MTTP: variants seen among roughly 807,000 people sequenced by gnomAD.
MTTP encodes the protein microsomal triglyceride transfer protein large subunit.
Under a neutral mutation model 90.6 loss-of-function variants are expected in MTTP, and 49 were observed. That is an observed-to-expected ratio of 0.54 (90% CI 0.43 to 0.69). The LOEUF is 0.69. MTTP is among the 30% of genes least tolerant of loss of function. MTTP has a pLI of 0.00. For missense variants in MTTP, 945 were observed against 1,067.5 expected (o/e 0.89, Z 1.60); for synonymous variants, 347 against 384.2 (o/e 0.90, Z 1.13).
Position 99,582,029 on chromosome 4 carries a change from C to T in MTTP, c.186C>T (p.Asn62=), listed in dbSNP as rs776338005. 3.8e-5 allele frequency: 62 copies of T among 1,614,060 alleles called. No homozygotes were observed. Among genetic ancestry groups the T allele is most frequent in the Admixed American group, 8.3e-5 (5 of 60,002 alleles). Residue 62 remains asparagine (N), a synonymous_variant, in exon 2 of 18, where the codon AAC becomes AAT. Coordinates refer to ENST00000265517, the MANE Select transcript of MTTP (RefSeq NM_001386140.1). ...GCGTGGGCTACCGCATTTCCTCCAA[C>T]GTGGATGTGGCCTTACTATGGAGGA... ...QDSVGYRISS[N]VDVALLWRNP... is the part of the protein sequence containing the mutation.
chr4:99,575,033 T>A, intron 1 of MTTP, 63 bp downstream of exon 1: 1 of 1,532,562 alleles, frequency 6.5e-7, no homozygotes, highest in Non-Finnish European at 9.0e-7. Context: ...GGCAGATACG[T>A]GCGTGTGTGT....
rs5860584 is a variant in MTTP, at chr4:99,600,447, TA to T, written c.1068-108del. ...TAATCATTTTTTCATTTGTTCAAAT[TA>T]AAAAAAAAATCACTTCTTGAGAAAA... On this transcript the variant is annotated intron_variant, in intron 8 of 17. Transcript: ENST00000265517. 110,457 of 968,770 alleles carry T rather than the reference TA, an allele frequency of 0.11. 6,420 individuals are homozygous for T. The highest frequency in any genetic ancestry group is 0.2 in the Middle Eastern group (592 of 2,988). The allele number at this position is 968,770 out of a possible 1,614,324, so 60.0% of individuals were successfully genotyped here.
intron 12 of MTTP, among the ~76,000 whole-genome samples, chr4:99,609,639 A>ACAGTGGTGTGTGGTGTCGTCTGTGAAT: frequency 6.6e-6 from 1 of 152,036 alleles, no homozygotes; most frequent in African/African-American, 2.4e-5. Flanking sequence ...ATCAGATTTA[A>ACAGTGGTGTGTGGTGTCGTCTGTGAAT]GCATTCACCA....
upstream of MTTP, among the ~76,000 whole-genome samples, chr4:99,570,068 T>A (rs1307640686): frequency 6.6e-6 from 1 of 151,924 alleles, no homozygotes; most frequent in Non-Finnish European, 1.5e-5. Flanking sequence ...GACACTGTTA[T>A]TAAGAGCCAG....
chr4:99,587,803 T>C (rs1367603137), intron 3 of MTTP, among the ~76,000 whole-genome samples: 1 of 152,154 alleles, frequency 6.6e-6, no homozygotes, highest in Non-Finnish European at 1.5e-5. Context: ...TACCTGGAGA[T>C]ACACTTCCAA....
rs556705535 is a variant in MTTP at position 99,619,494 on chromosome 4, TAA to T, written c.2342+397_2342+398del. Among the ~76,000 whole-genome samples the T allele has an allele frequency of 1.8e-3, 280 of 152,324 alleles. 1 individual carries two copies. The highest frequency in any genetic ancestry group is 0.01 in the Middle Eastern group (3 of 294). On this transcript the variant is annotated intron_variant, in intron 16 of 17. Coordinates refer to ENST00000265517, the MANE Select transcript of MTTP (RefSeq NM_001386140.1). ...TGTGCAGAAACTAACTATTAAATGT[TAA>T]GAGTCCTTAAGTCTTTTCATCAGCA...
At chr4:99,621,424 A>T (rs1276852460) in intron 17 of MTTP, among the ~76,000 whole-genome samples, 193 bp downstream of exon 17, 1 of 151,834 alleles carries the variant, frequency 6.6e-6, no homozygotes. Flanking sequence ...CCAAAAAAAA[A>T]TCTAATGACT....
intron 3 of MTTP, among the ~76,000 whole-genome samples, chr4:99,587,121 T>C (rs1725276934): frequency 6.6e-6 from 1 of 152,192 alleles, no homozygotes; most frequent in South Asian, 2.1e-4. Context: ...GTGACAGCCA[T>C]GTGGCTTGAA....
At chr4:99,588,801 TCATATATATACACA>T (rs1411437484) in intron 3 of MTTP, among the ~76,000 whole-genome samples, 5 of 15,396 alleles carry the variant, frequency 3.2e-4, no homozygotes, top group East Asian at 6.5e-3. Context: ...ATATATATGT[TCATATATATACACA>T]CATATATATA....
In MTTP at chr4:99,591,434, A is replaced by G; in HGVS notation, c.618+83A>G. ...ATTTAATGTAATAGAAAAATAAAGT[A>G]GAAATAGAATTTTGAAACATTTGTA... On this transcript the variant is annotated intron_variant, in intron 5 of 17. Coordinates refer to ENST00000265517, the MANE Select transcript of MTTP (RefSeq NM_001386140.1). 3 of 1,255,102 alleles carry G rather than the reference A, an allele frequency of 2.4e-6. 1 individual carries two copies. In the South Asian group the frequency reaches 3.8e-5, roughly 16 times the overall value. The allele number at this position is 1,255,102 out of a possible 1,614,324, so 77.7% of individuals were successfully genotyped here.
intron 1 of MTTP, among the ~76,000 whole-genome samples, chr4:99,569,102 G>C (rs1292437240): frequency 6.6e-6 from 1 of 152,090 alleles, no homozygotes; most frequent in Non-Finnish European, 1.5e-5. Flanking sequence ...GCTGAGCCAG[G>C]TGATCAAAGT....
intron 12 of MTTP, among the ~76,000 whole-genome samples, chr4:99,609,895 G>A (rs1560624094): frequency 1.3e-5 from 2 of 152,174 alleles, no homozygotes. Flanking sequence ...TTCTTTGTTT[G>A]CTTTTATGAG....
At chr4:99,569,714 C>T (rs1724792567) in intron 1 of MTTP, among the ~76,000 whole-genome samples, 1 of 151,816 alleles carries the variant, frequency 6.6e-6, no homozygotes, top group South Asian at 2.1e-4. Flanking sequence ...TGTTCTAATC[C>T]TTTTTCTGTG....
In MTTP at chr4:99,589,696, G is replaced by C. The variant is rs1483519387; in HGVS notation, c.447G>C (p.Lys149Asn). The C allele has an allele frequency of 1.2e-6, 2 of 1,610,528 alleles. No homozygotes were observed. The highest frequency in any genetic ancestry group is 1.7e-6 in the Non-Finnish European group (2 of 1,177,186). The part of the protein sequence containing the change: ...QNEAVAIENI[K>N]RGLASLFQTQ... ...AGGCAGTGGCCATAGAAAATATCAAGAGAGGTCTGGCTAGCCTATTTCAGA... is the reference window on the plus strand; with the variant it reads ...AGGCAGTGGCCATAGAAAATATCAACAGAGGTCTGGCTAGCCTATTTCAGA... The change falls in exon 4 of 18, where the codon AAG becomes AAC. Residue 149 changes from lysine (K) to asparagine (N), a missense_variant. Transcript: ENST00000265517.
In MTTP at chr4:99,591,648, T is replaced by C. The variant is rs1293265374; in HGVS notation, c.619-3T>C. 6.2e-7 allele frequency: 1 copy of C among 1,611,104 alleles called. No homozygotes were observed. Among genetic ancestry groups the C allele is most frequent in the South Asian group, 1.1e-5 (1 of 90,940 alleles). The stretch of plus-strand genomic sequence containing the variant: ...TTATAAAGATGGCTATTTATTTATT[T>C]AGGTCTTGGGTGTCAGTTCAAAAGC... On this transcript the variant is annotated splice_region_variant and splice_polypyrimidine_tract_variant and intron_variant, in intron 5 of 17. Coordinates refer to ENST00000265517, the MANE Select transcript of MTTP (RefSeq NM_001386140.1).
At chr4:99,565,049 A>G (rs563867457) in intron 1 of MTTP, among the ~76,000 whole-genome samples, 31 of 152,074 alleles carry the variant, frequency 2.0e-4, no homozygotes, top group Non-Finnish European at 3.5e-4. Flanking sequence ...GTCTGGATCC[A>G]CTTCTGATCT....
chr4:99,598,208 G>A (rs930949050), intron 8 of MTTP, among the ~76,000 whole-genome samples: 1 of 152,216 alleles, frequency 6.6e-6, no homozygotes, highest in Admixed American at 6.5e-5. Flanking sequence ...ACCAGAAATT[G>A]AAAAAGAAGC....
rs757214916 is a variant in MTTP, at chr4:99,594,900, A to G, written c.909+17A>G. On this transcript the variant is annotated intron_variant, in intron 7 of 17. Transcript: ENST00000265517. ...TGTCCTTCTGTAAGTGCAGACAAAT[A>G]TGGGAATAATCATGACATCAGACTC... The G allele has an allele frequency of 1.2e-6, 2 of 1,612,858 alleles. No homozygotes were observed. Among genetic ancestry groups the G allele is most frequent in the Non-Finnish European group, 1.7e-6 (2 of 1,178,940 alleles).
chr4:99,575,396 C>T (rs916584861), intron 1 of MTTP, among the ~76,000 whole-genome samples: 3 of 151,794 alleles, frequency 2.0e-5, no homozygotes, highest in African/African-American at 4.8e-5. Flanking sequence ...AATGTGACCT[C>T]AAGAAGAATT....
Sources: gnomAD v4.1 joint callset for allele counts (sites outside exome capture counted in the v4.1 genomes callset) on GRCh38, gnomAD v4.1.1 for gene constraint, MANE v1.5 for transcripts, NCBI Gene and HGNC (gene_info 2026-07-23, HGNC 2026-07-21) for gene names.